CAMTA1: variants seen among roughly 807,000 people sequenced by gnomAD.
The protein encoded by CAMTA1 is calmodulin binding transcription activator 1, also known as calmodulin-binding transcription activator 1.
CAMTA1 carries 27 observed loss-of-function variants against 170.9 expected under a neutral mutation model. The ratio of observed to expected loss-of-function variants is 0.16; its 90% CI spans 0.12 to 0.22. The LOEUF is 0.22. Ranked by LOEUF, CAMTA1 falls within the 10% of genes least tolerant of loss-of-function variation. The probability of loss-of-function intolerance (pLI) is 1.00; values close to 1 mark genes in which losing one functional copy is unlikely to be tolerated. For missense variants in CAMTA1, 1,619 were observed against 2,217.2 expected, an observed-to-expected ratio of 0.73 and a Z score of 5.42; for synonymous variants, 833 against 891.5, an observed-to-expected ratio of 0.93 and a Z score of 1.17.
At chr1:6,826,052 A>G (rs1647066535) in intron 3 of CAMTA1, among the ~76,000 whole-genome samples, 2 of 152,198 alleles carry the variant, frequency 1.3e-5, no homozygotes, top group South Asian at 2.1e-4. Context: ...CAAATTTAGC[A>G]CCCTATCCTT....
At chr1:6,972,361 C>T (rs1692700757) in intron 3 of CAMTA1, among the ~76,000 whole-genome samples, 1 of 152,150 alleles carries the variant, frequency 6.6e-6, no homozygotes, top group Admixed American at 6.5e-5. Flanking sequence ...TTACTCATGC[C>T]TTTGAGTAAA....
chr1:6,946,193 T>TC (rs1431822610), intron 3 of CAMTA1, among the ~76,000 whole-genome samples: 1 of 151,348 alleles, frequency 6.6e-6, no homozygotes, highest in Non-Finnish European at 1.5e-5. Flanking sequence ...CTCTTCTTTT[T>TC]TTTTTTTTCT....
intron 11 of CAMTA1, among the ~76,000 whole-genome samples, chr1:7,703,923 T>C (rs1014063785): frequency 6.6e-6 from 1 of 152,014 alleles, no homozygotes; most frequent in East Asian, 1.9e-4. Context: ...AGCTGGAACT[T>C]TGGAACGCGG....
intron 5 of CAMTA1, among the ~76,000 whole-genome samples, chr1:7,326,699 A>G (rs1054200936): frequency 3.3e-5 from 5 of 152,228 alleles, no homozygotes; most frequent in Non-Finnish European, 5.9e-5. Context: ...CAGAGAGAAC[A>G]TGGCCCTGCC....
At chr1:7,569,803 G>A (rs550594630) in intron 6 of CAMTA1, among the ~76,000 whole-genome samples, 39 of 151,342 alleles carry the variant, frequency 2.6e-4, no homozygotes, top group South Asian at 2.3e-3. Flanking sequence ...CATCATCACC[G>A]CCACCATCAC....
intron 19 of CAMTA1, among the ~76,000 whole-genome samples, chr1:7,750,074 C>T (rs1480217620): frequency 6.6e-6 from 1 of 152,086 alleles, no homozygotes; most frequent in Non-Finnish European, 1.5e-5. Flanking sequence ...CCCTTTTTCC[C>T]AAAGCGCTTC....
intron 5 of CAMTA1, among the ~76,000 whole-genome samples, chr1:7,279,870 A>G (rs6577433): frequency 0.87 from 132,625 of 152,150 alleles, 58,213 homozygotes; most frequent in East Asian, 0.99. Flanking sequence ...CTCTAGACCA[A>G]AAAAAAAGAA....
intron 1 of CAMTA1, among the ~76,000 whole-genome samples, chr1:6,788,078 T>A (rs1303592441): frequency 6.6e-6 from 1 of 152,196 alleles, no homozygotes. Flanking sequence ...TGGGGAACGT[T>A]ATTCTTCAAG....
intron 11 of CAMTA1, among the ~76,000 whole-genome samples, chr1:7,711,496 A>G (rs1364628182): frequency 6.6e-6 from 1 of 152,128 alleles, no homozygotes; most frequent in South Asian, 2.1e-4. Context: ...TAAAGAAAAC[A>G]CCATCCTGAA....
intron 3 of CAMTA1, among the ~76,000 whole-genome samples, chr1:6,916,319 C>T (rs1037541246): frequency 2.0e-5 from 3 of 152,132 alleles, no homozygotes; most frequent in African/African-American, 7.2e-5. Context: ...GACACTAAGA[C>T]GATGGCCAAA....
At chr1:7,235,244 C>T (rs923754800) in intron 4 of CAMTA1, among the ~76,000 whole-genome samples, 1 of 152,086 alleles carries the variant, frequency 6.6e-6, no homozygotes, top group African/African-American at 2.4e-5. Context: ...TCGGGATCAG[C>T]CTTCCTAGGG....
chr1:7,601,614 A>G (rs1042437899), intron 6 of CAMTA1, among the ~76,000 whole-genome samples: 1 of 152,180 alleles, frequency 6.6e-6, no homozygotes, highest in Non-Finnish European at 1.5e-5. Flanking sequence ...GGTTGTAGCG[A>G]GCCGAGATCA....
At chr1:7,371,374 A>G (rs2086457622) in intron 5 of CAMTA1, among the ~76,000 whole-genome samples, 1 of 151,986 alleles carries the variant, frequency 6.6e-6, no homozygotes, top group Non-Finnish European at 1.5e-5. Flanking sequence ...ATCTTGCCTC[A>G]GCCTCCTGAG....
rs184343132 is a variant in CAMTA1, at chr1:7,482,428, G to T, written c.510+14527G>T. ...CCCTAGGTCCAGCTGTGCCCCACGA[G>T]CACAAGCGTCAGCACTCGGTAAAGA... On this transcript the variant is annotated intron_variant, in intron 6 of 22. Coordinates refer to ENST00000303635, the MANE Select transcript of CAMTA1 (RefSeq NM_015215.4). The surrounding 1 kb of genome is among the most constrained non-coding windows in gnomAD (Gnocchi z 4.2). Among the ~76,000 whole-genome samples, 12 of 152,288 alleles carry T rather than the reference G, an allele frequency of 7.9e-5. No homozygotes were observed. In the East Asian group the frequency reaches 2.3e-3, roughly 29 times the overall value.
Position 7,609,340 on chromosome 1 carries a change from G to A in CAMTA1, c.511-31060G>A, listed in dbSNP as rs181286266. 1.8e-4 allele frequency among the ~76,000 whole-genome samples: 27 copies of A among 152,250 alleles called. No homozygotes were observed. In the East Asian group the frequency reaches 4.8e-3, roughly 27 times the overall value. ...CAGACATCATGTTTACCCATCAGACGCTGTTTTCCTGACACTCAACACTCA... is the reference window on the plus strand; with the variant it reads ...CAGACATCATGTTTACCCATCAGACACTGTTTTCCTGACACTCAACACTCA... On this transcript the variant is annotated intron_variant, in intron 6 of 22. Coordinates refer to ENST00000303635, the MANE Select transcript of CAMTA1 (RefSeq NM_015215.4). The surrounding 1 kb of genome is among the most constrained non-coding windows in gnomAD (Gnocchi z 4.4).
intron 4 of CAMTA1, among the ~76,000 whole-genome samples, chr1:7,108,854 G>T (rs1415365604): frequency 1.3e-5 from 2 of 152,178 alleles, no homozygotes; most frequent in African/African-American, 4.8e-5. Flanking sequence ...GGACAACTTA[G>T]CCAGGTCTCA....
intron 3 of CAMTA1, among the ~76,000 whole-genome samples, chr1:6,868,651 G>T (rs573225336): frequency 4.3e-4 from 66 of 152,284 alleles, no homozygotes; most frequent in African/African-American, 1.6e-3. Flanking sequence ...CAGGGAGGGA[G>T]GGGGGAAGAT....
At chr1:7,589,257 A>G (rs1184358775) in intron 6 of CAMTA1, among the ~76,000 whole-genome samples, 1 of 152,170 alleles carries the variant, frequency 6.6e-6, no homozygotes, top group Non-Finnish European at 1.5e-5. Flanking sequence ...CCTCAGGTCT[A>G]CCAAGGAGAG....
chr1:7,039,686 GA>G (rs758199829), intron 3 of CAMTA1, among the ~76,000 whole-genome samples: 13 of 152,216 alleles, frequency 8.5e-5, no homozygotes, highest in Non-Finnish European at 1.9e-4. Context: ...CTAAAAGGCA[GA>G]AAGATGAGGC....
Sources: allele counts gnomAD v4.1 joint callset (sites outside exome capture counted in the v4.1 genomes callset), GRCh38; gene constraint gnomAD v4.1.1; non-coding constraint Gnocchi (gnomAD v3.1); transcripts MANE v1.5; gene names NCBI Gene and HGNC (gene_info 2026-07-23, HGNC 2026-07-21).